CTNNA3: variants seen among roughly 807,000 people sequenced by gnomAD.
The protein encoded by CTNNA3 is catenin alpha 3.
A neutral mutation model predicts 95.7 loss-of-function variants in CTNNA3; 76 were observed. The ratio of observed to expected loss-of-function variants is 0.79; its 90% CI spans 0.66 to 0.96. CTNNA3 has a LOEUF of 0.96. Ranked by LOEUF, CTNNA3 falls within the 40% of genes least tolerant of loss-of-function variation. The pLI is 0.00. For missense variants in CTNNA3, 1,191 were observed against 1,089.8 expected (o/e 1.09, Z -1.31); for synonymous variants, 431 against 374.4 (o/e 1.15, Z -1.74).
intron 11 of CTNNA3, among the ~76,000 whole-genome samples, chr10:66,496,506 A>G (rs765995908): frequency 1.3e-5 from 2 of 152,218 alleles, no homozygotes; most frequent in African/African-American, 2.4e-5. Flanking sequence ...TACATAAACC[A>G]GAAGATTCTT....
At chr10:66,091,794 T>G (rs909821403) in intron 14 of CTNNA3, among the ~76,000 whole-genome samples, 5 of 151,712 alleles carry the variant, frequency 3.3e-5, no homozygotes, top group South Asian at 2.1e-4. Flanking sequence ...GGATGAAGTC[T>G]GAAATTTGAA....
At chr10:66,764,024 T>C (rs1471400269) in intron 9 of CTNNA3, among the ~76,000 whole-genome samples, 1 of 152,132 alleles carries the variant, frequency 6.6e-6, no homozygotes, top group African/African-American at 2.4e-5. Context: ...GCTTTAAATT[T>C]CAGGATGGTT....
At chr10:67,057,928 A>C (rs1214715009) in intron 7 of CTNNA3, among the ~76,000 whole-genome samples, 1 of 152,242 alleles carries the variant, frequency 6.6e-6, no homozygotes, top group East Asian at 1.9e-4. Flanking sequence ...AATGCTCTCA[A>C]GGATATCACT....
intron 13 of CTNNA3, among the ~76,000 whole-genome samples, chr10:66,265,962 C>G (rs764759430): frequency 6.7e-6 from 1 of 148,368 alleles, no homozygotes; most frequent in Non-Finnish European, 1.5e-5. Flanking sequence ...GCCCGTAGTA[C>G]GTACTCAATA....
intron 7 of CTNNA3, among the ~76,000 whole-genome samples, chr10:67,123,843 A>G (rs1859582356): frequency 2.0e-5 from 3 of 152,200 alleles, no homozygotes; most frequent in South Asian, 4.1e-4. Flanking sequence ...ATTTCAACCA[A>G]GTAGGTTATA....
chr10:65,990,443 A>G (rs1264206576), intron 15 of CTNNA3, among the ~76,000 whole-genome samples: 1 of 147,360 alleles, frequency 6.8e-6, no homozygotes, highest in African/African-American at 2.5e-5. Context: ...GTAAAATGAT[A>G]TATTATTGTA....
intron 7 of CTNNA3, among the ~76,000 whole-genome samples, chr10:66,792,959 TTAA>T (rs774638233): frequency 1.8e-4 from 28 of 152,126 alleles, no homozygotes; most frequent in Admixed American, 5.9e-4. Context: ...CAAAAAAATC[TTAA>T]TAAATATGTA....
chr10:67,226,783 A>T (rs115887844), intron 5 of CTNNA3, among the ~76,000 whole-genome samples: 1 of 152,206 alleles, frequency 6.6e-6, no homozygotes, highest in African/African-American at 2.4e-5. Flanking sequence ...TTTAAAGCAG[A>T]AATCATACAG....
intron 8 of CTNNA3, 131 bp downstream of exon 8, chr10:66,775,313 A>G (rs1840248797): frequency 1.7e-6 from 1 of 576,246 alleles, no homozygotes; most frequent in Admixed American, 3.6e-5. Context: ...TGTGGAAAGT[A>G]TATATTTACT....
At chr10:67,054,915 C>T (rs1373403166) in intron 7 of CTNNA3, 2 of 152,150 alleles carry the variant, frequency 1.3e-5, no homozygotes, top group Non-Finnish European at 2.9e-5. Context: ...TTACAAATGA[C>T]TGTCATTATA....
At chr10:67,751,107 G>A in intron 1 of CTNNA3, 5 of 1,398,594 alleles carry the variant, frequency 3.6e-6, no homozygotes, top group African/African-American at 1.4e-5. Context: ...GAACATTCAG[G>A]CCTTTGACTT....
chr10:66,794,845 T>C (rs561871260), intron 7 of CTNNA3, among the ~76,000 whole-genome samples: 2 of 151,040 alleles, frequency 1.3e-5, no homozygotes, highest in South Asian at 4.2e-4. Context: ...TTCCACAGTG[T>C]TCAAAGCATC....
intron 8 of CTNNA3, among the ~76,000 whole-genome samples, chr10:66,771,004 T>C (rs1840065836): frequency 6.6e-6 from 1 of 152,174 alleles, no homozygotes; most frequent in Admixed American, 6.5e-5. Flanking sequence ...AACTTGTCTC[T>C]TGTGGATACA....
At chr10:66,518,449 C>A (rs1377441633) in intron 11 of CTNNA3, among the ~76,000 whole-genome samples, 1 of 152,026 alleles carries the variant, frequency 6.6e-6, no homozygotes, top group Non-Finnish European at 1.5e-5. Flanking sequence ...AGAAACAGAA[C>A]CTACTATTCA....
intron 5 of CTNNA3, among the ~76,000 whole-genome samples, chr10:67,496,983 G>T (rs1839043964): frequency 6.6e-6 from 1 of 152,066 alleles, no homozygotes; most frequent in Non-Finnish European, 1.5e-5. Context: ...TGCAGAAAGT[G>T]CAGGTTTGTT....
At chr10:67,586,975 C>A (rs930262900) in intron 3 of CTNNA3, among the ~76,000 whole-genome samples, 1 of 152,066 alleles carries the variant, frequency 6.6e-6, no homozygotes, top group African/African-American at 2.4e-5. Context: ...CAATGACTTA[C>A]ACTTTTAATG....
At chr10:66,383,518 C>A (rs988525981) in intron 11 of CTNNA3, among the ~76,000 whole-genome samples, 2 of 152,176 alleles carry the variant, frequency 1.3e-5, no homozygotes, top group Non-Finnish European at 2.9e-5. Flanking sequence ...TTGGAAAACA[C>A]TCTGCAGGAT....
intron 10 of CTNNA3, among the ~76,000 whole-genome samples, chr10:66,522,331 T>C (rs1841095348): frequency 6.6e-6 from 1 of 152,086 alleles, no homozygotes; most frequent in African/African-American, 2.4e-5. Context: ...TTGCCTTTCA[T>C]AGGGGTTTGA....
At chr10:67,185,430 T>C (rs2132156484) in intron 6 of CTNNA3, among the ~76,000 whole-genome samples, 1 of 152,268 alleles carries the variant, frequency 6.6e-6, no homozygotes, top group Admixed American at 6.5e-5. Context: ...CCGGCCTTTT[T>C]TTCCTTTTTT....
Sources: allele counts gnomAD v4.1 joint callset (sites outside exome capture counted in the v4.1 genomes callset), GRCh38; gene constraint gnomAD v4.1.1; transcripts MANE v1.5; gene names NCBI Gene and HGNC (gene_info 2026-07-23, HGNC 2026-07-21).